XPO5: variants seen among roughly 807,000 people sequenced by gnomAD.
XPO5 encodes exportin-5.
A neutral mutation model predicts 160.6 loss-of-function variants in XPO5; 46 were observed. The observed-to-expected ratio is 0.29, with a 90% CI of 0.23 to 0.37. XPO5 has a LOEUF of 0.37. Among genes scored for constraint, XPO5 ranks in the 10% least tolerant of loss-of-function variants. XPO5 has a pLI of 1.00. For synonymous variants in XPO5, 537 were observed against 519.3 expected (o/e 1.03, Z -0.46); for missense variants, 1,090 against 1,463.9 (o/e 0.74, Z 4.17).
chr6:43,526,769 A>T (rs1204941391), intron 26 of XPO5, 22 bp from the exon 27 acceptor site: 1 of 1,611,904 alleles, frequency 6.2e-7, no homozygotes, highest in South Asian at 1.1e-5. Context: ...AAGCAGGGTT[A>T]CTAGGTGAAG....
intron 20 of XPO5, among the ~76,000 whole-genome samples, chr6:43,540,123 C>T (rs1386487284): frequency 1.3e-5 from 2 of 152,162 alleles, no homozygotes; most frequent in East Asian, 1.9e-4. Context: ...GGCATGGTGG[C>T]GCACGCCTGT....
At position 43,551,297 on chromosome 6, in the gene XPO5, C is replaced by T. The variant is rs1471588514; in HGVS notation, c.1728+1G>A. 6.2e-7 allele frequency: 1 copy of T among 1,608,884 alleles called. No homozygotes were observed. ...ATTTACAAAGGAGATGGGCTTTATA[C>T]CTTAGAGAAGACCTGGGGCAGGAAC... On this transcript the variant is annotated splice_donor_variant, in intron 15 of 31. Coordinates refer to ENST00000265351, the MANE Select transcript of XPO5 (RefSeq NM_020750.3). LOFTEE classifies it high-confidence loss of function.
intron 9 of XPO5, 61 bp downstream of exon 9, chr6:43,562,186 A>C (rs1762452283): frequency 7.2e-7 from 1 of 1,381,210 alleles, no homozygotes; most frequent in African/African-American, 1.4e-5. Context: ...TTGAAACATA[A>C]GTTTCTAAAT....
At chr6:43,553,298 T>C (rs1448427877) in intron 14 of XPO5, 75 bp downstream of exon 14, 2 of 1,505,956 alleles carry the variant, frequency 1.3e-6, no homozygotes, top group Non-Finnish European at 1.8e-6. Context: ...AGATATAGCG[T>C]CCCAAAATAG....
chr6:43,561,156 C>CACTT lies in XPO5; in HGVS notation c.1012-153_1012-150dup, dbSNP rs1360731781. 6 of 640,124 alleles carry CACTT rather than the reference C, an allele frequency of 9.4e-6. No homozygotes were observed. The East Asian group carries it at 1.6e-4, about 17-fold the overall frequency. The allele number at this position is 640,124 out of a possible 1,614,324, so 39.7% of individuals were successfully genotyped here. A position where few individuals can be genotyped will look rare whatever the true frequency, so the allele number is the denominator to read the frequency against. On this transcript the variant is annotated intron_variant, in intron 9 of 31. Transcript: ENST00000265351. ...TTTCCTTTTGGCTAAAGAAAGGCAT[C>CACTT]ACTTCAAGGGCTAAAATATAGGTTA...
Position 43,549,578 on chromosome 6 carries a change from C to A in XPO5, c.1771G>T (p.Ala591Ser). Reference sequence around the variant, plus strand: ...TTCCTCACTGCCCGGGTTCTGGGGGCCTGAAAAGAGACATTCAACAAACTC... The same window carrying A: ...TTCCTCACTGCCCGGGTTCTGGGGGACTGAAAAGAGACATTCAACAAACTC... Reference protein sequence around the residue: ...VTFETVEESKAPRTRAVRNVR... With the variant: ...VTFETVEESKSPRTRAVRNVR... Residue 591 changes from alanine to serine, a missense_variant and splice_region_variant, in exon 17 of 32, where the codon GCC becomes TCC. Transcript: ENST00000265351. 6.2e-7 allele frequency: 1 copy of A among 1,611,928 alleles called. No individual in the cohort carries two copies. Among genetic ancestry groups the A allele is most frequent in the African/African-American group, 1.3e-5 (1 of 74,838 alleles).
chr6:43,530,965 A>G, intron 22 of XPO5, 141 bp from the exon 23 acceptor site: 2 of 1,093,224 alleles, frequency 1.8e-6, no homozygotes, highest in Non-Finnish European at 2.5e-6. Flanking sequence ...GAGAACTTAT[A>G]GATACAGCAT....
chr6:43,575,690 G>A, intron 1 of XPO5, 70 bp downstream of exon 1: 1 of 1,418,798 alleles, frequency 7.0e-7, no homozygotes, highest in Non-Finnish European at 9.8e-7. Context: ...CCCAGTTACA[G>A]GCGGCGCCGG....
In XPO5 at chr6:43,528,205, T is replaced by C; in HGVS notation, c.2776A>G (p.Arg926Gly). 1 of 1,590,340 alleles carries C rather than the reference T, an allele frequency of 6.3e-7. No individual in the cohort carries two copies. The highest frequency in any genetic ancestry group is 1.1e-5 in the South Asian group (1 of 87,098). The stretch of plus-strand genomic sequence containing the variant: ...ATAACTTGCCATTTCTGAGAAAGCC[T>C]CTGGGAAAACACAAAGGAAATAAAT... ...LGPLFTYLHM[R>G]LSQKWQVINQ... is the part of the protein sequence containing the mutation. Residue 926 changes from arginine to glycine, a missense_variant and splice_region_variant, in exon 25 of 32, where the codon AGG becomes GGG. By Grantham distance (125) the Arg-to-Gly change is moderately radical. This residue lies in a region of XPO5 where 810 missense variants were observed against 1,139.0 expected (regional missense o/e 0.71). Transcript: ENST00000265351.
chr6:43,573,003 C>T (rs1227285106), intron 2 of XPO5, among the ~76,000 whole-genome samples: 3 of 152,196 alleles, frequency 2.0e-5, no homozygotes, highest in Admixed American at 2.0e-4. Context: ...GCTACCTCTT[C>T]TGATAGGTGT....
chr6:43,527,770 GA>G, intron 25 of XPO5, 39 bp from the exon 26 acceptor site: 2 of 1,604,282 alleles, frequency 1.2e-6, no homozygotes, highest in Non-Finnish European at 1.7e-6. Context: ...CAGGAGTGCA[GA>G]AAAGGAAGGA....
At chr6:43,550,187 T>C (rs1795160818) in intron 15 of XPO5, among the ~76,000 whole-genome samples, 2 of 152,194 alleles carry the variant, frequency 1.3e-5, no homozygotes, top group South Asian at 4.1e-4. Context: ...ATTCATGCCA[T>C]CACCCAAGCA....
In XPO5 at chr6:43,576,030, G is replaced by A. The variant is rs1393110140; in HGVS notation, c.-166C>T. ...CAACTCGCGCTGGGAAGAAGCCGGCGCTGCGCACGCGCCCGGCCCGCCACT... is the reference window on the plus strand; with the variant it reads ...CAACTCGCGCTGGGAAGAAGCCGGCACTGCGCACGCGCCCGGCCCGCCACT... On this transcript the variant is annotated 5_prime_UTR_variant, in exon 1 of 32. Coordinates refer to ENST00000265351, the MANE Select transcript of XPO5 (RefSeq NM_020750.3). 6.9e-6 allele frequency: 4 copies of A among 579,410 alleles called. No homozygotes were observed. The highest frequency in any genetic ancestry group is 4.0e-5 in the African/African-American group (2 of 50,232). 35.9% of individuals were successfully genotyped at this position (579,410 alleles called of 1,614,324 possible). A position where few individuals can be genotyped will look rare whatever the true frequency, so the allele number is the denominator to read the frequency against.
intron 20 of XPO5, among the ~76,000 whole-genome samples, chr6:43,538,468 ATATCT>A (rs1279959461): frequency 1.3e-5 from 2 of 152,122 alleles, no homozygotes; most frequent in Non-Finnish European, 2.9e-5. Flanking sequence ...TGACTAAGAG[ATATCT>A]TAAATATATA....
At chr6:43,569,733 C>CAAA (rs111780112) in intron 5 of XPO5, among the ~76,000 whole-genome samples, 1 of 104,522 alleles carries the variant, frequency 9.6e-6, no homozygotes, top group Admixed American at 9.8e-5. Flanking sequence ...ACTCCCTCTC[C>CAAA]AAAAAAAAAA....
intron 3 of XPO5, among the ~76,000 whole-genome samples, chr6:43,571,591 G>A (rs996898544): frequency 5.9e-5 from 9 of 152,246 alleles, no homozygotes; most frequent in East Asian, 5.8e-4. Context: ...CTTGAGGCCA[G>A]GGGTTTGAGA....
Position 43,534,051 on chromosome 6 carries a change from G to T in XPO5, c.2343-44C>A, listed in dbSNP as rs1317051508. The T allele has an allele frequency of 3.4e-6, 5 of 1,477,232 alleles. No individual in the cohort carries two copies. In the African/African-American group the frequency reaches 5.6e-5, roughly 16 times the overall value. The allele number at this position is 1,477,232 out of a possible 1,614,324, so 91.5% of individuals were successfully genotyped here. On this transcript the variant is annotated intron_variant, in intron 20 of 31. Transcript: ENST00000265351. ...CTATTGAGCTTTTCCATCTGATGCAGAAGGAAAGAGTGGGTTTTGCTTGTA... is the reference window on the plus strand; with the variant it reads ...CTATTGAGCTTTTCCATCTGATGCATAAGGAAAGAGTGGGTTTTGCTTGTA...
intron 26 of XPO5, chr6:43,527,146 C>A: frequency 4.5e-6 from 1 of 223,684 alleles, no homozygotes; most frequent in East Asian, 1.0e-4. Flanking sequence ...CCTAATGAAT[C>A]CAAATTCCTT....
intron 12 of XPO5, among the ~76,000 whole-genome samples, chr6:43,557,780 C>G (rs1246074835): frequency 2.3e-5 from 2 of 86,594 alleles, no homozygotes; most frequent in South Asian, 7.7e-4. Flanking sequence ...CTCAATAAAG[C>G]TGTAAAAAAA....
Sources: allele counts gnomAD v4.1 joint callset (sites outside exome capture counted in the v4.1 genomes callset), GRCh38; gene constraint gnomAD v4.1.1; regional missense constraint gnomAD v4.1.1; transcripts MANE v1.5; gene names NCBI Gene and HGNC (gene_info 2026-07-23, HGNC 2026-07-21).